The following SHISA6 variants were observed in gnomAD, a reference collection of about 807,000 sequenced individuals.
SHISA6 encodes the protein protein shisa-6.
Under a neutral mutation model 47.9 loss-of-function variants are expected in SHISA6, and 22 were observed. The ratio of observed to expected loss-of-function variants is 0.46; its 90% CI spans 0.33 to 0.66. The LOEUF is 0.66. Among genes scored for constraint, SHISA6 ranks in the 30% least tolerant of loss-of-function variants. SHISA6 has a pLI of 0.02. For synonymous variants in SHISA6, 388 were observed against 337.8 expected (o/e 1.15, Z -1.63); for missense variants, 680 against 764.6 (o/e 0.89, Z 1.30).
At chr17:11,327,274 T>C (rs2142201413) in intron 2 of SHISA6, among the ~76,000 whole-genome samples, 1 of 152,306 alleles carries the variant, frequency 6.6e-6, no homozygotes, top group Middle Eastern at 3.4e-3. Flanking sequence ...GACTTCTGAG[T>C]TGGTGTGATT....
chr17:11,454,311 T>C (rs1471312084), intron 3 of SHISA6, among the ~76,000 whole-genome samples: 1 of 152,182 alleles, frequency 6.6e-6, no homozygotes, highest in Non-Finnish European at 1.5e-5. Flanking sequence ...CTGGGCTTCT[T>C]CAGGAGCTAC....
intron 3 of SHISA6, among the ~76,000 whole-genome samples, chr17:11,446,552 A>G (rs1227526950): frequency 6.6e-6 from 1 of 152,270 alleles, no homozygotes. Context: ...GCTGTCAGCA[A>G]AATACTCTTA....
chr17:11,463,867 T>A (rs956561375), intron 3 of SHISA6, among the ~76,000 whole-genome samples: 4 of 152,224 alleles, frequency 2.6e-5, no homozygotes, highest in African/African-American at 9.6e-5. Context: ...GCAAAGCACC[T>A]GTAGGTATTT....
intron 3 of SHISA6, among the ~76,000 whole-genome samples, chr17:11,412,673 C>G (rs1914159390): frequency 1.3e-5 from 2 of 152,034 alleles, no homozygotes; most frequent in South Asian, 2.1e-4. Flanking sequence ...TCCCAAGTAG[C>G]TGGGACTACA....
intron 2 of SHISA6, among the ~76,000 whole-genome samples, chr17:11,263,964 T>G (rs1908336515): frequency 6.6e-6 from 1 of 152,190 alleles, no homozygotes; most frequent in African/African-American, 2.4e-5. Flanking sequence ...GGGTGAGAAT[T>G]AACATCTGTA....
chr17:11,499,783 C>T (rs934625164), intron 3 of SHISA6, among the ~76,000 whole-genome samples: 1 of 150,926 alleles, frequency 6.6e-6, no homozygotes, highest in Admixed American at 6.6e-5. Flanking sequence ...CTCACTGCAA[C>T]CTCCGCCTTC....
chr17:11,477,582 A>C (rs1376356741), intron 3 of SHISA6, among the ~76,000 whole-genome samples: 8 of 80,804 alleles, frequency 9.9e-5, no homozygotes, highest in South Asian at 5.0e-4. Context: ...CCCCCACCCC[A>C]CAGCAGTCCC....
rs1291415756 is a variant in SHISA6, at chr17:11,558,521, C to T, written c.*217C>T. On this transcript the variant is annotated 3_prime_UTR_variant, in exon 6 of 6. Coordinates refer to ENST00000441885, the MANE Select transcript of SHISA6 (RefSeq NM_207386.4). Reference sequence around the variant, plus strand: ...AGACCCAGGACCAAGAGCAATCGCTCTTGCTCCTCCAGAAGAATCAGTGGG... The same window carrying T: ...AGACCCAGGACCAAGAGCAATCGCTTTTGCTCCTCCAGAAGAATCAGTGGG... The T allele has an allele frequency of 3.4e-6, 2 of 594,692 alleles. No homozygotes were observed. The highest frequency in any genetic ancestry group is 5.9e-6 in the Non-Finnish European group (2 of 336,326). 36.8% of individuals were successfully genotyped at this position (594,692 alleles called of 1,614,324 possible).
At chr17:11,362,381 C>T (rs1361803704) in intron 2 of SHISA6, among the ~76,000 whole-genome samples, 1 of 152,200 alleles carries the variant, frequency 6.6e-6, no homozygotes, top group Non-Finnish European at 1.5e-5. Context: ...CTCAAGTGAT[C>T]TACATGCCTC....
chr17:11,241,734 C>G lies in SHISA6; in HGVS notation c.312C>G (p.Tyr104Ter). 2 of 1,543,596 alleles carry G rather than the reference C, an allele frequency of 1.3e-6. No individual in the cohort carries two copies. The highest frequency in any genetic ancestry group is 1.7e-6 in the Non-Finnish European group (2 of 1,146,858). The change falls in exon 1 of 6, where the codon TAC becomes TAG. Residue 104 changes from tyrosine (Y) to a stop codon, truncating the protein, a stop_gained. Transcript: ENST00000441885. LOFTEE classifies it high-confidence loss of function. This position sits in a 1 kb window ranked among gnomAD's most constrained non-coding sequence, Gnocchi z 5.5. ...CWGYYDVSGQYDKEFECNNSE... is the reference protein window; with the variant it reads ...CWGYYDVSGQ ...GCTACTACGACGTGAGCGGCCAGTA[C>G]GACAAGGAGTTCGAGTGTAACAACA... is the stretch of plus-strand genomic sequence containing the variant.
intron 2 of SHISA6, among the ~76,000 whole-genome samples, chr17:11,297,832 G>T (rs544497919): frequency 2.0e-5 from 3 of 152,294 alleles, no homozygotes; most frequent in African/African-American, 7.2e-5. Flanking sequence ...TTGCCCTTCA[G>T]CGAAAGAAGG....
intron 3 of SHISA6, among the ~76,000 whole-genome samples, chr17:11,524,025 G>GAAAGA (rs1218425231): frequency 3.7e-5 from 5 of 136,974 alleles, no homozygotes; most frequent in Non-Finnish European, 6.5e-5. Flanking sequence ...AAAGAAAAAA[G>GAAAGA]AAAGAAAAGA....
At chr17:11,417,006 T>C (rs1914300455) in intron 3 of SHISA6, among the ~76,000 whole-genome samples, 1 of 152,232 alleles carries the variant, frequency 6.6e-6, no homozygotes, top group Admixed American at 6.5e-5. Flanking sequence ...CATACTCTAT[T>C]ATTTTAAAAA....
rs2071570079 is a variant in SHISA6 at position 11,514,894 on chromosome 17, A to AT, written c.896-37002_896-37001insT. Among the ~76,000 whole-genome samples the AT allele has an allele frequency of 2.6e-5, 4 of 152,226 alleles. No homozygotes were observed. In the South Asian group the frequency reaches 8.3e-4, roughly 32 times the overall value. On this transcript the variant is annotated intron_variant, in intron 3 of 5. Coordinates refer to ENST00000441885, the MANE Select transcript of SHISA6 (RefSeq NM_207386.4). ...TCTTTTCCTCTCTTATCTCCATTCC[A>AT]GGGGTCATGCCCCAAATAAATAATA...
At chr17:11,343,924 A>G (rs995644419) in intron 2 of SHISA6, among the ~76,000 whole-genome samples, 1 of 152,188 alleles carries the variant, frequency 6.6e-6, no homozygotes, top group Admixed American at 6.5e-5. Context: ...CCTGACTTCA[A>G]GTGGTCCACC....
chr17:11,511,072 A>G (rs566870502), intron 3 of SHISA6, among the ~76,000 whole-genome samples: 1 of 152,342 alleles, frequency 6.6e-6, no homozygotes, highest in East Asian at 1.9e-4. Flanking sequence ...GGGCTTAGAA[A>G]CATGCCTGGT....
chr17:11,331,693 T>C (rs1911121617), intron 2 of SHISA6, among the ~76,000 whole-genome samples: 1 of 152,080 alleles, frequency 6.6e-6, no homozygotes, highest in South Asian at 2.1e-4. Context: ...TCTTCTCTTC[T>C]TGTCTATCTT....
At chr17:11,310,725 A>G (rs1371173296) in intron 2 of SHISA6, among the ~76,000 whole-genome samples, 1 of 152,164 alleles carries the variant, frequency 6.6e-6, no homozygotes, top group African/African-American at 2.4e-5. Context: ...CTATAATCCC[A>G]GCACTTTGGG....
intron 3 of SHISA6, among the ~76,000 whole-genome samples, chr17:11,548,421 T>C (rs140895608): frequency 0.011 from 1,545 of 145,094 alleles, 41 homozygotes; most frequent in African/African-American, 0.037. Context: ...ATACAAATGT[T>C]ATTTATGAAT....
Sources: gnomAD v4.1 joint callset for allele counts (sites outside exome capture counted in the v4.1 genomes callset) on GRCh38, gnomAD v4.1.1 for gene constraint, Gnocchi (gnomAD v3.1) non-coding constraint, MANE v1.5 for transcripts, NCBI Gene and HGNC (gene_info 2026-07-23, HGNC 2026-07-21) for gene names.